MBNL1: variants seen among roughly 807,000 people sequenced by gnomAD.
MBNL1 encodes the protein muscleblind like splicing regulator 1, also known as muscleblind-like protein 1.
In MBNL1, 8 loss-of-function variants were observed where a neutral mutation model predicts 42.2. The ratio of observed to expected loss-of-function variants is 0.19; its 90% confidence interval spans 0.11 to 0.34. MBNL1 has a LOEUF of 0.34. MBNL1 is among the 10% of genes least tolerant of loss of function. The probability of loss-of-function intolerance (pLI) is 1.00; values close to 1 mark genes in which losing one functional copy is unlikely to be tolerated. For synonymous variants in MBNL1, 169 were observed against 173.9 expected, an observed-to-expected ratio of 0.97 and a Z score of 0.22; for missense variants, 309 against 495.3, an observed-to-expected ratio of 0.62 and a Z score of 3.57.
Position 152,462,528 on chromosome 3 carries a change from G to A in MBNL1, c.*162G>A, listed in dbSNP as rs920513584. On this transcript the variant is annotated 3_prime_UTR_variant, in exon 10 of 10. Transcript: ENST00000324210. ...ATATTGCATGTTAACCAGAAGAAAA[G>A]ACAACATTTTCCGGAAATCCACTGC... 6 of 152,130 alleles carry A rather than the reference G, an allele frequency of 3.9e-5. No homozygotes were observed. The highest frequency in any genetic ancestry group is 1.4e-4 in the African/African-American group (6 of 41,432). 9.4% of individuals were successfully genotyped at this position (152,130 alleles called of 1,614,324 possible).
At chr3:152,368,166 C>A (rs1038998589) in intron 2 of MBNL1, among the ~76,000 whole-genome samples, 4 of 152,070 alleles carry the variant, frequency 2.6e-5, no homozygotes, top group Admixed American at 1.3e-4. Flanking sequence ...AGTCTTTAAT[C>A]CATCTTGAGT....
rs376674740 is a variant in MBNL1 at position 152,352,289 on chromosome 3, A to G, written c.174+51922A>G. On this transcript the variant is annotated intron_variant, in intron 2 of 9. Transcript: ENST00000324210. ...TTTTCATGTTTTAAAAATTATTACT[A>G]TCACTAATCACTTAAAACACTGGTT... 2.4e-4 allele frequency among the ~76,000 whole-genome samples: 37 copies of G among 152,328 alleles called. No homozygotes were observed. In the South Asian group the frequency reaches 4.8e-3, roughly 20 times the overall value.
intron 2 of MBNL1, chr3:152,338,667 T>C (rs1578222918): frequency 1.0e-6 from 1 of 985,334 alleles, no homozygotes; most frequent in Non-Finnish European, 1.2e-6. Context: ...CCAGAAGATA[T>C]GTAAAGGTAA....
At chr3:152,406,549 C>T (rs981593323) in intron 2 of MBNL1, among the ~76,000 whole-genome samples, 7 of 152,120 alleles carry the variant, frequency 4.6e-5, no homozygotes, top group African/African-American at 1.7e-4. Flanking sequence ...CTTTGACTCT[C>T]ATGCATTACA....
At chr3:152,358,437 CATT>C (rs1208972865) in intron 2 of MBNL1, among the ~76,000 whole-genome samples, 2 of 151,986 alleles carry the variant, frequency 1.3e-5, no homozygotes, top group Non-Finnish European at 2.9e-5. Context: ...ATAAGTGACT[CATT>C]AGGATAAAGG....
chr3:152,388,326 A>G (rs1219391415), intron 2 of MBNL1, among the ~76,000 whole-genome samples: 1 of 152,224 alleles, frequency 6.6e-6, no homozygotes, highest in Non-Finnish European at 1.5e-5. Context: ...GGGAATTTAC[A>G]AAGGTCCGTG....
At chr3:152,434,135 A>G (rs2099046727) in intron 4 of MBNL1, among the ~76,000 whole-genome samples, 1 of 152,018 alleles carries the variant, frequency 6.6e-6, no homozygotes, top group Non-Finnish European at 1.5e-5. Flanking sequence ...TGGTGTAGAG[A>G]TTATTTCATC....
rs80182281 is a variant in MBNL1, at chr3:152,392,164, G to A, written c.175-22777G>A. 3.4e-4 allele frequency among the ~76,000 whole-genome samples: 51 copies of A among 151,892 alleles called. No homozygotes were observed. The East Asian group carries it at 8.7e-3, about 26-fold the overall frequency. ...GTGGCATAAAGACTTTTCTCTTTACGTAGTGCAACATGAACAGAAATCTCC... is the reference window on the plus strand; with the variant it reads ...GTGGCATAAAGACTTTTCTCTTTACATAGTGCAACATGAACAGAAATCTCC... On this transcript the variant is annotated intron_variant, in intron 2 of 9. Coordinates refer to ENST00000324210, the MANE Select transcript of MBNL1 (RefSeq NM_021038.5).
At chr3:152,338,322 ACTTC>A in intron 2 of MBNL1, 1 of 985,258 alleles carries the variant, frequency 1.0e-6, no homozygotes, top group Non-Finnish European at 1.2e-6. Context: ...TCATGTCTCC[ACTTC>A]CTTAGCCCTG....
At chr3:152,380,746 A>G (rs2097145913) in intron 2 of MBNL1, among the ~76,000 whole-genome samples, 2 of 151,892 alleles carry the variant, frequency 1.3e-5, no homozygotes, top group African/African-American at 4.8e-5. Flanking sequence ...TAAAAAAGGC[A>G]CTTCTGATTA....
chr3:152,269,122 G>A (rs1005868906), intron 1 of MBNL1, 30 bp downstream of exon 1: 13 of 448,224 alleles, frequency 2.9e-5, no homozygotes, highest in Non-Finnish European at 4.5e-5. Context: ...GTTTCCCCGC[G>A]CCGCTTCATT....
In MBNL1 at chr3:152,388,225, G is replaced by C. The variant is rs143975305; in HGVS notation, c.175-26716G>C. ...TGACTTGAGGACTCAGCTGGAGAAG[G>C]CATCTAGTTGGCTACCCTCTTCAAG... On this transcript the variant is annotated intron_variant, in intron 2 of 9. Coordinates refer to ENST00000324210, the MANE Select transcript of MBNL1 (RefSeq NM_021038.5). Among the ~76,000 whole-genome samples, 403 of 152,250 alleles carry C rather than the reference G, an allele frequency of 2.6e-3. 1 individual carries two copies. The highest frequency in any genetic ancestry group is 9.3e-3 in the African/African-American group (385 of 41,534).
intron 1 of MBNL1, among the ~76,000 whole-genome samples, chr3:152,272,763 A>G (rs2042647459): frequency 6.6e-6 from 1 of 152,174 alleles, no homozygotes; most frequent in South Asian, 2.1e-4. Context: ...CACTGTCTTT[A>G]TAATTTGAAC....
chr3:152,244,970 T>C (rs1436891566), intron 2 of MBNL1, among the ~76,000 whole-genome samples: 1 of 152,118 alleles, frequency 6.6e-6, no homozygotes, highest in East Asian at 1.9e-4. Flanking sequence ...ATGATGATAT[T>C]TGTTTAGAAA....
intron 7 of MBNL1, among the ~76,000 whole-genome samples, 155 bp from the exon 8 acceptor site, chr3:152,456,112 C>T (rs978256315): frequency 5.3e-5 from 8 of 151,906 alleles, no homozygotes; most frequent in Non-Finnish European, 8.8e-5. Flanking sequence ...TCCTGCTTTG[C>T]GCTGTGATTG....
intron 3 of MBNL1, among the ~76,000 whole-genome samples, chr3:152,416,054 G>A (rs1281949208): frequency 6.6e-6 from 1 of 152,206 alleles, no homozygotes; most frequent in East Asian, 1.9e-4. Flanking sequence ...GTGGGGTCAT[G>A]GGAATGTGAA....
chr3:152,370,171 C>T (rs1322731752), intron 2 of MBNL1, among the ~76,000 whole-genome samples: 7 of 152,146 alleles, frequency 4.6e-5, no homozygotes, highest in African/African-American at 1.7e-4. Flanking sequence ...CTAAACACTA[C>T]TTTAGCTGTG....
At chr3:152,354,346 G>T (rs958641088) in intron 2 of MBNL1, among the ~76,000 whole-genome samples, 3 of 152,076 alleles carry the variant, frequency 2.0e-5, no homozygotes, top group Admixed American at 6.6e-5. Flanking sequence ...TCCCTGCTAC[G>T]TGGGAGGCTG....
At chr3:152,287,111 A>C (rs938984087) in intron 1 of MBNL1, among the ~76,000 whole-genome samples, 8 of 151,740 alleles carry the variant, frequency 5.3e-5, no homozygotes, top group African/African-American at 1.9e-4. Flanking sequence ...CCAGCTACTC[A>C]GGAGGCTGAG....
Sources: gnomAD v4.1 joint callset for allele counts (sites outside exome capture counted in the v4.1 genomes callset) on GRCh38, gnomAD v4.1.1 for gene constraint, MANE v1.5 for transcripts, NCBI Gene and HGNC (gene_info 2026-07-23, HGNC 2026-07-21) for gene names.